The following CSMD1 variants were observed in gnomAD, a reference collection of about 807,000 sequenced individuals.
CSMD1 encodes CUB and sushi domain-containing protein 1.
In CSMD1, 213 loss-of-function variants were observed where a neutral mutation model predicts 417.5. The observed-to-expected ratio is 0.51, with a 90% CI of 0.46 to 0.57. CSMD1 has a LOEUF of 0.57. CSMD1 is among the 20% of genes least tolerant of loss of function. The pLI is 0.00. For synonymous variants in CSMD1, 2,862 were observed against 1,736.8 expected, an observed-to-expected ratio of 1.65 and a Z score of -16.11; for missense variants, 6,923 against 4,529.7, an observed-to-expected ratio of 1.53 and a Z score of -15.17.
chr8:4,745,567 T>A (rs549629355), intron 1 of CSMD1, among the ~76,000 whole-genome samples: 3 of 152,306 alleles, frequency 2.0e-5, no homozygotes, highest in Non-Finnish European at 2.9e-5. Flanking sequence ...TATTGAAATG[T>A]AGCAGACATT....
intron 51 of CSMD1, among the ~76,000 whole-genome samples, chr8:3,026,531 G>A (rs908845773): frequency 4.6e-5 from 7 of 150,974 alleles, no homozygotes; most frequent in African/African-American, 1.7e-4. Flanking sequence ...TCAGCCTCAC[G>A]GGGCCTGACT....
At chr8:4,814,217 T>TGC (rs1491458254) in intron 1 of CSMD1, among the ~76,000 whole-genome samples, 1 of 151,090 alleles carries the variant, frequency 6.6e-6, no homozygotes, top group Non-Finnish European at 1.5e-5. Context: ...TGTGTGTGTG[T>TGC]GCGTGTGCGT....
intron 3 of CSMD1, among the ~76,000 whole-genome samples, chr8:4,196,838 T>C (rs145864935): frequency 2.0e-5 from 3 of 152,234 alleles, no homozygotes; most frequent in East Asian, 3.9e-4. Context: ...GGGGGTGATA[T>C]TTAGCCTGCA....
intron 26 of CSMD1, among the ~76,000 whole-genome samples, chr8:3,249,704 T>G (rs572986222): frequency 1.2e-4 from 18 of 152,300 alleles, no homozygotes; most frequent in African/African-American, 4.3e-4. Flanking sequence ...GAAAAAGAAA[T>G]AATAGACATT....
intron 51 of CSMD1, among the ~76,000 whole-genome samples, chr8:3,028,779 T>C (rs1810127231): frequency 6.6e-6 from 1 of 152,208 alleles, no homozygotes; most frequent in Non-Finnish European, 1.5e-5. Context: ...CAAGTAAAGA[T>C]TGTATACTAG....
At position 3,483,447 on chromosome 8, in the gene CSMD1, A is replaced by G. The variant is rs141108570; in HGVS notation, c.1448+10176T>C. ...AAACTCAACCAAGATAAAACAGACA[A>G]TCTAAATAGTCCTTTATTATAGAAA... is the stretch of plus-strand genomic sequence containing the variant. On this transcript the variant is annotated intron_variant, in intron 11 of 69. Coordinates refer to ENST00000635120, the MANE Select transcript of CSMD1 (RefSeq NM_033225.6). Among the ~76,000 whole-genome samples the G allele has an allele frequency of 2.6e-3, 401 of 152,204 alleles. 3 individuals carry two copies. The highest frequency in any genetic ancestry group is 8.6e-3 in the African/African-American group (356 of 41,576).
intron 23 of CSMD1, among the ~76,000 whole-genome samples, chr8:3,322,433 T>G (rs1396834928): frequency 6.6e-6 from 1 of 152,162 alleles, no homozygotes; most frequent in African/African-American, 2.4e-5. Context: ...GATAAAGAAT[T>G]TCTTCTTCCA....
chr8:3,345,937 T>A (rs1329188136), intron 22 of CSMD1, among the ~76,000 whole-genome samples: 1 of 152,234 alleles, frequency 6.6e-6, no homozygotes, highest in Non-Finnish European at 1.5e-5. Flanking sequence ...ATCTCTTACA[T>A]GATTTTTCCA....
chr8:3,335,895 T>C (rs1047290333), intron 23 of CSMD1, among the ~76,000 whole-genome samples: 6 of 152,132 alleles, frequency 3.9e-5, no homozygotes, highest in African/African-American at 1.4e-4. Flanking sequence ...GAGCAGAAGG[T>C]AGAAACCTGA....
chr8:4,246,289 C>G (rs1486750764), intron 3 of CSMD1, among the ~76,000 whole-genome samples: 1 of 151,978 alleles, frequency 6.6e-6, no homozygotes, highest in Non-Finnish European at 1.5e-5. Context: ...TTTTCTGTTC[C>G]TGGGTTAGTT....
At chr8:4,838,934 A>G (rs1800673301) in intron 1 of CSMD1, among the ~76,000 whole-genome samples, 1 of 152,268 alleles carries the variant, frequency 6.6e-6, no homozygotes, top group Admixed American at 6.5e-5. Context: ...TTTATGAAAG[A>G]CAAATTTGAC....
chr8:4,536,591 C>A (rs1451282154), intron 2 of CSMD1, among the ~76,000 whole-genome samples: 1 of 152,118 alleles, frequency 6.6e-6, no homozygotes, highest in Non-Finnish European at 1.5e-5. Flanking sequence ...GGATATCCTG[C>A]CGTTTAGTGG....
intron 5 of CSMD1, among the ~76,000 whole-genome samples, chr8:3,918,234 T>C (rs1808963780): frequency 6.6e-6 from 1 of 152,090 alleles, no homozygotes; most frequent in Non-Finnish European, 1.5e-5. Flanking sequence ...TGCTGGGTCA[T>C]ATGGTAGGTT....
intron 3 of CSMD1, among the ~76,000 whole-genome samples, chr8:4,378,166 C>T (rs1270370291): frequency 6.6e-6 from 1 of 152,212 alleles, no homozygotes; most frequent in Non-Finnish European, 1.5e-5. Context: ...TTCACTTATA[C>T]TCTAGATATT....
chr8:4,166,071 T>C (rs879595989), intron 3 of CSMD1, among the ~76,000 whole-genome samples: 2 of 152,182 alleles, frequency 1.3e-5, no homozygotes, highest in Non-Finnish European at 2.9e-5. Context: ...GAATTCCCAA[T>C]CTTGCATTAA....
chr8:3,389,217 G>A (rs1018875354), intron 17 of CSMD1, among the ~76,000 whole-genome samples: 1 of 152,068 alleles, frequency 6.6e-6, no homozygotes, highest in African/African-American at 2.4e-5. Context: ...CCTCACCCAA[G>A]TATTAAGCCT....
At chr8:3,984,413 T>C (rs994450024) in intron 5 of CSMD1, among the ~76,000 whole-genome samples, 1 of 152,146 alleles carries the variant, frequency 6.6e-6, no homozygotes, top group African/African-American at 2.4e-5. Context: ...TGAGTACTTT[T>C]GGTTCTAAGA....
At chr8:3,315,472 C>G (rs1313558743) in intron 23 of CSMD1, among the ~76,000 whole-genome samples, 2 of 82,338 alleles carry the variant, frequency 2.4e-5, no homozygotes, top group African/African-American at 7.9e-5. Context: ...GATTTTTAAA[C>G]TATCTTTTAA....
intron 3 of CSMD1, among the ~76,000 whole-genome samples, chr8:4,245,235 T>G (rs963064638): frequency 2.6e-5 from 4 of 152,190 alleles, no homozygotes; most frequent in African/African-American, 4.8e-5. Context: ...CTAAATCGGA[T>G]GAAATCAAGC....
Sources: gnomAD v4.1 joint callset for allele counts (sites outside exome capture counted in the v4.1 genomes callset) on GRCh38, gnomAD v4.1.1 for gene constraint, MANE v1.5 for transcripts, NCBI Gene and HGNC (gene_info 2026-07-23, HGNC 2026-07-21) for gene names.